SIPA1L3: variants seen among roughly 807,000 people sequenced by gnomAD.
The protein encoded by SIPA1L3 is signal-induced proliferation-associated 1-like protein 3.
SIPA1L3 carries 59 observed loss-of-function variants against 150.1 expected under a neutral mutation model. The ratio of observed to expected loss-of-function variants is 0.39; its 90% CI spans 0.32 to 0.49. The LOEUF is 0.49. Ranked by LOEUF, SIPA1L3 falls within the 20% of genes least tolerant of loss-of-function variation. SIPA1L3 has a pLI of 0.86. For synonymous variants in SIPA1L3, 1,070 were observed against 1,077.6 expected, an observed-to-expected ratio of 0.99 and a Z score of 0.14; for missense variants, 2,211 against 2,489.5, an observed-to-expected ratio of 0.89 and a Z score of 2.38.
chr19:38,101,036 A>G lies in SIPA1L3; in HGVS notation c.1855-16A>G, dbSNP rs1970490232. The G allele has an allele frequency of 1.3e-6, 2 of 1,528,152 alleles. No homozygotes were observed. Among genetic ancestry groups the G allele is most frequent in the Non-Finnish European group, 8.8e-7 (1 of 1,135,872 alleles). 94.7% of individuals were successfully genotyped at this position (1,528,152 alleles called of 1,614,324 possible). On this transcript the variant is annotated splice_polypyrimidine_tract_variant and intron_variant, in intron 5 of 21. Coordinates refer to ENST00000222345, the MANE Select transcript of SIPA1L3 (RefSeq NM_015073.3). ...CTGCCTGGCCTGCCTCCACAAAGCC[A>G]CTCTTGCCTCTGCAGCTCTGCCGGA...
chr19:38,169,555 A>G (rs1382175642), intron 15 of SIPA1L3, among the ~76,000 whole-genome samples: 1 of 152,186 alleles, frequency 6.6e-6, no homozygotes, highest in Non-Finnish European at 1.5e-5. Context: ...CCACATACCT[A>G]CATCATAGGG....
intron 1 of SIPA1L3, among the ~76,000 whole-genome samples, chr19:37,996,819 C>T (rs932238380): frequency 1.3e-5 from 2 of 152,148 alleles, no homozygotes; most frequent in East Asian, 1.9e-4. Context: ...GCCTTAACCT[C>T]CCAAGTAGCT....
intron 2 of SIPA1L3, among the ~76,000 whole-genome samples, chr19:38,072,520 T>C (rs2145802936): frequency 6.6e-6 from 1 of 152,332 alleles, no homozygotes; most frequent in African/African-American, 2.4e-5. Context: ...ATAGTTCTTC[T>C]CCCATGGTTA....
chr19:38,094,117 C>T (rs553261179), intron 4 of SIPA1L3, among the ~76,000 whole-genome samples: 86 of 152,178 alleles, frequency 5.7e-4, no homozygotes, highest in African/African-American at 2.0e-3. Context: ...AAGTACCAAA[C>T]GCTCATTATT....
At chr19:38,103,628 CAA>C (rs35401704) in intron 6 of SIPA1L3, among the ~76,000 whole-genome samples, 5 of 137,264 alleles carry the variant, frequency 3.6e-5, no homozygotes. Context: ...AACTTCATCT[CAA>C]AAAAAAAAAA....
At chr19:37,933,243 G>T (rs562680317) in intron 1 of SIPA1L3, among the ~76,000 whole-genome samples, 2 of 151,280 alleles carry the variant, frequency 1.3e-5, no homozygotes, top group African/African-American at 4.9e-5. Flanking sequence ...TTCCTCCCTC[G>T]GAGACTTTGC....
At chr19:37,974,674 G>A (rs965888533) in intron 1 of SIPA1L3, among the ~76,000 whole-genome samples, 3 of 152,176 alleles carry the variant, frequency 2.0e-5, no homozygotes, top group African/African-American at 7.2e-5. Context: ...CTTTCATTTC[G>A]TGAATCTTTG....
intron 2 of SIPA1L3, among the ~76,000 whole-genome samples, chr19:38,056,272 C>G (rs1969312146): frequency 6.6e-6 from 1 of 152,246 alleles, no homozygotes; most frequent in Non-Finnish European, 1.5e-5. Context: ...CCTGATGAAG[C>G]CTCTGTACCC....
chr19:38,176,903 G>A (rs954616271), intron 15 of SIPA1L3, among the ~76,000 whole-genome samples: 13 of 151,874 alleles, frequency 8.6e-5, no homozygotes, highest in African/African-American at 2.4e-4. Flanking sequence ...CCTGGGAGGC[G>A]GAGGTTGCAG....
At chr19:38,073,974 T>C (rs1969778388) in intron 2 of SIPA1L3, among the ~76,000 whole-genome samples, 1 of 152,154 alleles carries the variant, frequency 6.6e-6, no homozygotes, top group Non-Finnish European at 1.5e-5. Context: ...TTTTACAGAT[T>C]GAAACTGAGT....
At chr19:37,919,431 AT>A (rs1232989651) in intron 1 of SIPA1L3, among the ~76,000 whole-genome samples, 2 of 152,186 alleles carry the variant, frequency 1.3e-5, no homozygotes, top group African/African-American at 4.8e-5. Context: ...TACTGTTGTT[AT>A]TACCATGTCT....
chr19:38,120,433 C>G (rs1970989725), intron 9 of SIPA1L3, among the ~76,000 whole-genome samples: 1 of 152,044 alleles, frequency 6.6e-6, no homozygotes, highest in Non-Finnish European at 1.5e-5. Flanking sequence ...GATGACGCCA[C>G]TGCACTTCAG....
chr19:38,024,773 G>T (rs906498898), intron 1 of SIPA1L3, among the ~76,000 whole-genome samples: 3 of 152,160 alleles, frequency 2.0e-5, no homozygotes, highest in Non-Finnish European at 4.4e-5. Context: ...GAAGGGTCAT[G>T]TTCGCCCAAA....
intron 16 of SIPA1L3, among the ~76,000 whole-genome samples, chr19:38,189,371 T>G (rs1447800111): frequency 6.6e-6 from 1 of 152,092 alleles, no homozygotes; most frequent in Admixed American, 6.6e-5. Flanking sequence ...GCTCAAGTGA[T>G]CCTCCCACTT....
chr19:37,966,136 T>G (rs2046902089), intron 1 of SIPA1L3, among the ~76,000 whole-genome samples: 1 of 152,206 alleles, frequency 6.6e-6, no homozygotes, highest in Non-Finnish European at 1.5e-5. Context: ...AAGTGCTAAT[T>G]GGTTTTTAAT....
intron 16 of SIPA1L3, chr19:38,185,730 A>G (rs922678884): frequency 2.6e-5 from 4 of 152,090 alleles, no homozygotes; most frequent in South Asian, 2.1e-4. Context: ...TTCTCCCTGC[A>G]TCTGTGCCCA....
intron 7 of SIPA1L3, 24 bp downstream of exon 7, chr19:38,106,664 CGGCTGCCGGATGTT>C: frequency 2.0e-6 from 3 of 1,537,764 alleles, no homozygotes; most frequent in Non-Finnish European, 2.7e-6. Context: ...AGCAGAGGCA[CGGCTGCCGGATGTT>C]GGCTGCCCAC....
At position 38,014,672 on chromosome 19, in the gene SIPA1L3, ATTT is replaced by A. The variant is rs11335709; in HGVS notation, c.-378-14404_-378-14402del. ...GGCTCAAGCGATCCTCCCCCGGCTA[ATTT>A]TTTTTTTTTTTTGAGACGGAGCCTT... On this transcript the variant is annotated intron_variant, in intron 1 of 21. Coordinates refer to ENST00000222345, the MANE Select transcript of SIPA1L3 (RefSeq NM_015073.3). Among the ~76,000 whole-genome samples, 665 of 139,736 alleles carry A rather than the reference ATTT, an allele frequency of 4.8e-3. 4 individuals carry two copies. Among genetic ancestry groups the A allele is most frequent in the Non-Finnish European group, 6.7e-3 (437 of 64,746 alleles). The allele number at this position is 139,736 out of a possible 152,430, so 91.7% of individuals were successfully genotyped here.
chr19:38,117,549 G>A (rs957687069), intron 8 of SIPA1L3, among the ~76,000 whole-genome samples: 11 of 152,066 alleles, frequency 7.2e-5, no homozygotes, highest in African/African-American at 2.4e-4. Flanking sequence ...ACCCCGGGAG[G>A]CGGAGGTTGT....
Sources: allele counts gnomAD v4.1 joint callset (sites outside exome capture counted in the v4.1 genomes callset), GRCh38; gene constraint gnomAD v4.1.1; transcripts MANE v1.5; gene names NCBI Gene and HGNC (gene_info 2026-07-23, HGNC 2026-07-21).